The following GRB10 variants were observed in gnomAD, a reference collection of about 807,000 sequenced individuals.
GRB10 encodes the protein growth factor receptor-bound protein 10.
A neutral mutation model predicts 80.9 loss-of-function variants in GRB10; 20 were observed. That is an observed-to-expected ratio of 0.25 (90% CI 0.17 to 0.36). The LOEUF is 0.36. GRB10 is among the 10% of genes least tolerant of loss of function. GRB10 has a pLI of 1.00. For synonymous variants in GRB10, 291 were observed against 291.5 expected (o/e 1.00, Z 0.02); for missense variants, 548 against 747.7 (o/e 0.73, Z 3.12).
chr7:50,762,398 G>A (rs2075862779), intron 2 of GRB10, among the ~76,000 whole-genome samples: 1 of 151,484 alleles, frequency 6.6e-6, no homozygotes. Flanking sequence ...TCCTTTAAAG[G>A]GAAGCCCTCA....
chr7:50,601,637 ATTAAG>A (rs1240014765), intron 17 of GRB10, among the ~76,000 whole-genome samples: 2 of 152,242 alleles, frequency 1.3e-5, no homozygotes, highest in East Asian at 1.9e-4. Flanking sequence ...GTAATAAGTA[ATTAAG>A]TTAATGCCAT....
intron 8 of GRB10, among the ~76,000 whole-genome samples, chr7:50,620,343 T>C (rs1398202175): frequency 6.6e-6 from 1 of 152,158 alleles, no homozygotes; most frequent in Non-Finnish European, 1.5e-5. Flanking sequence ...ACTGGAATCT[T>C]GAGGAAAGTT....
At chr7:50,675,872 G>A (rs1191541256) in intron 5 of GRB10, among the ~76,000 whole-genome samples, 1 of 152,226 alleles carries the variant, frequency 6.6e-6, no homozygotes, top group Admixed American at 6.5e-5. Context: ...GCAGCTTCCG[G>A]TGCTTCCTAA....
rs114948366 is a variant in GRB10, at chr7:50,768,547, C to G, written c.-217+12080G>C. Among the ~76,000 whole-genome samples the G allele has an allele frequency of 2.6e-5, 4 of 152,312 alleles. No homozygotes were observed. In the East Asian group the frequency reaches 7.7e-4, roughly 29 times the overall value. On this transcript the variant is annotated intron_variant, in intron 2 of 18. Coordinates refer to ENST00000401949, the MANE Select transcript of GRB10 (RefSeq NM_001350814.2). ...TTCACTCAGTACACACTTACCATGTCATCACTATGTTCTCAATCTTAGCAT... is the reference window on the plus strand; with the variant it reads ...TTCACTCAGTACACACTTACCATGTGATCACTATGTTCTCAATCTTAGCAT...
chr7:50,604,091 G>A lies in GRB10; in HGVS notation c.1457-6C>T. On this transcript the variant is annotated splice_polypyrimidine_tract_variant and splice_region_variant and intron_variant, in intron 16 of 18. Coordinates refer to ENST00000401949, the MANE Select transcript of GRB10 (RefSeq NM_001350814.2). ...GTGCTGTGTCCTGTGAATCACTGTGGGGGGAAGACAGGAGGAGGGTAGGAT... is the reference window on the plus strand; with the variant it reads ...GTGCTGTGTCCTGTGAATCACTGTGAGGGGAAGACAGGAGGAGGGTAGGAT... 3.1e-6 allele frequency: 5 copies of A among 1,611,254 alleles called. No homozygotes were observed. Among genetic ancestry groups the A allele is most frequent in the Non-Finnish European group, 4.2e-6 (5 of 1,177,398 alleles).
intron 7 of GRB10, among the ~76,000 whole-genome samples, chr7:50,649,748 G>A (rs1166232888): frequency 6.6e-6 from 1 of 152,148 alleles, no homozygotes; most frequent in Non-Finnish European, 1.5e-5. Context: ...GGGACACATT[G>A]GAGAGGGAGA....
upstream of GRB10, among the ~76,000 whole-genome samples, chr7:50,784,268 A>G (rs565320031): frequency 4.6e-5 from 7 of 152,292 alleles, no homozygotes; most frequent in South Asian, 1.2e-3. Context: ...AAGTGTGGAG[A>G]AATTATGTAA....
chr7:50,792,712 T>C (rs115306625), intron 1 of GRB10: 5,712 of 350,382 alleles, frequency 0.016, 230 homozygotes, highest in African/African-American at 0.09. Flanking sequence ...GGCACCACTG[T>C]CCCGGACGCC....
chr7:50,623,811 G>C (rs1340195008), intron 8 of GRB10, among the ~76,000 whole-genome samples: 2 of 152,004 alleles, frequency 1.3e-5, no homozygotes, highest in Non-Finnish European at 2.9e-5. Flanking sequence ...GGGACCAGAA[G>C]CTTTGGTTTT....
At chr7:50,669,540 A>C (rs934819354) in intron 7 of GRB10, among the ~76,000 whole-genome samples, 182 bp downstream of exon 7, 2 of 152,210 alleles carry the variant, frequency 1.3e-5, no homozygotes, top group African/African-American at 2.4e-5. Flanking sequence ...TTTGGAGGGG[A>C]CAACATCCAA....
At chr7:50,613,649 T>C (rs1777421453) in intron 12 of GRB10, among the ~76,000 whole-genome samples, 1 of 152,156 alleles carries the variant, frequency 6.6e-6, no homozygotes, top group Non-Finnish European at 1.5e-5. Context: ...AAGCAGAGAC[T>C]GCGTTTGCAG....
chr7:50,792,499 CAATCAGCA>C, intron 1 of GRB10: 1 of 398,588 alleles, frequency 2.5e-6, no homozygotes. Context: ...TTTGGAGAGG[CAATCAGCA>C]AAGGCGAAGA....
At chr7:50,793,290 G>A (rs1231379996) in exon 1 of GRB10, 2 of 145,216 alleles carry the variant, frequency 1.4e-5, no homozygotes, top group African/African-American at 2.5e-5. Context: ...CCGGCGGCGG[G>A]CGCGGGTCCC....
At chr7:50,649,863 A>C (rs1274319614) in intron 7 of GRB10, among the ~76,000 whole-genome samples, 1 of 152,168 alleles carries the variant, frequency 6.6e-6, no homozygotes, top group Non-Finnish European at 1.5e-5. Flanking sequence ...TTAGGTGAGG[A>C]GGCCTTGGTG....
At chr7:50,787,952 G>T (rs1316069672) in intron 1 of GRB10, among the ~76,000 whole-genome samples, 2 of 152,146 alleles carry the variant, frequency 1.3e-5, no homozygotes, top group African/African-American at 4.8e-5. Context: ...CAATTAGAGG[G>T]CACTGAACAT....
intron 1 of GRB10, chr7:50,792,519 T>C (rs983504938): frequency 1.5e-5 from 6 of 397,024 alleles, no homozygotes; most frequent in East Asian, 7.1e-5. Context: ...AGGCGAAGAG[T>C]TGCATCAGAA....
chr7:50,709,705 T>C (rs1158277716), intron 4 of GRB10, among the ~76,000 whole-genome samples: 3 of 151,674 alleles, frequency 2.0e-5, no homozygotes, highest in East Asian at 3.9e-4. Context: ...ACATAAAAAG[T>C]GACTCGTGGG....
intron 5 of GRB10, among the ~76,000 whole-genome samples, chr7:50,702,580 G>A (rs1244710839): frequency 2.0e-5 from 3 of 152,202 alleles, no homozygotes; most frequent in Non-Finnish European, 2.9e-5. Context: ...AGCAGAGGTA[G>A]GGTTCAACAT....
chr7:50,705,174 G>C, intron 4 of GRB10: 1 of 985,714 alleles, frequency 1.0e-6, no homozygotes, highest in Non-Finnish European at 1.2e-6. Context: ...GGTCAACGCT[G>C]TGCTTCACGG....
Sources: gnomAD v4.1 joint callset for allele counts (sites outside exome capture counted in the v4.1 genomes callset) on GRCh38, gnomAD v4.1.1 for gene constraint, MANE v1.5 for transcripts, NCBI Gene and HGNC (gene_info 2026-07-23, HGNC 2026-07-21) for gene names.